The following COL6A1 variants were observed in gnomAD, a reference collection of about 807,000 sequenced individuals.
COL6A1 encodes collagen alpha-1(VI) chain.
Under a neutral mutation model 145.6 loss-of-function variants are expected in COL6A1, and 80 were observed. The observed-to-expected ratio is 0.55, with a 90% CI of 0.46 to 0.66. The LOEUF (loss-of-function observed/expected upper bound fraction) is 0.66, where lower values mean the gene tolerates loss of function less well. Ranked by LOEUF, COL6A1 falls within the 30% of genes least tolerant of loss-of-function variation. The pLI is 0.00. For missense variants in COL6A1, 1,364 were observed against 1,473.8 expected (o/e 0.93, Z 1.22); for synonymous variants, 638 against 622.8 (o/e 1.02, Z -0.36).
Position 45,998,408 on chromosome 21 carries a change from G to A in COL6A1, c.1586G>A (p.Gly529Asp). Residue 529 changes from glycine (G) to aspartate (D), a missense_variant, in exon 24 of 35, where the codon GGC becomes GAC. By Grantham distance (94) the Gly-to-Asp change is moderately conservative (BLOSUM62 -1). Transcript: ENST00000361866. ...EGFPGFPGYP[G>D]NRGAPGINGT... ...GCTTTTCCATGACAGGGGTATCCGG[G>A]CAACAGGGGCGCTCCCGGGATAAAC... 6.2e-7 allele frequency: 1 copy of A among 1,613,292 alleles called. No individual in the cohort carries two copies. Among genetic ancestry groups the A allele is most frequent in the Non-Finnish European group, 8.5e-7 (1 of 1,180,006 alleles).
intron 8 of COL6A1, 47 bp downstream of exon 8, chr21:45,987,701 T>A: frequency 6.3e-7 from 1 of 1,575,260 alleles, no homozygotes; most frequent in South Asian, 1.2e-5. Flanking sequence ...GGCCTGGGAG[T>A]GGGGGTGGCA....
Position 45,982,508 on chromosome 21 carries a change from C to G in COL6A1, c.98-126C>G. ...CGAGGGACGTCCTGCTGCCTTTTCC[C>G]GGGAGAGCCTCTCCGGGCCCGGGGC... On this transcript the variant is annotated intron_variant, in intron 1 of 34. Coordinates refer to ENST00000361866, the MANE Select transcript of COL6A1 (RefSeq NM_001848.3). 5 of 1,401,870 alleles carry G rather than the reference C, an allele frequency of 3.6e-6. No homozygotes were observed. In the South Asian group the frequency reaches 6.0e-5, roughly 17 times the overall value. The allele number at this position is 1,401,870 out of a possible 1,614,324, so 86.8% of individuals were successfully genotyped here.
At chr21:45,992,105 G>A (rs1309965000) in intron 16 of COL6A1, 33 bp downstream of exon 16, 1 of 1,613,542 alleles carries the variant, frequency 6.2e-7, no homozygotes. Context: ...CACATGCCAG[G>A]TATGGGCCCA....
Position 45,987,190 on chromosome 21 carries a change from C to G in COL6A1, c.738+15C>G, listed in dbSNP as rs576435781. The G allele has an allele frequency of 1.9e-6, 3 of 1,592,690 alleles. No individual in the cohort carries two copies. The highest frequency in any genetic ancestry group is 2.2e-5 in the South Asian group (2 of 89,664). On this transcript the variant is annotated intron_variant, in intron 6 of 34. Coordinates refer to ENST00000361866, the MANE Select transcript of COL6A1 (RefSeq NM_001848.3). ...TGGAGCAAGTGGTAAGAGCCCTCCC[C>G]ACCACCCCCAGCCGTGAGTCTGCAC... is the stretch of plus-strand genomic sequence containing the variant.
At chr21:45,984,591 C>T in intron 3 of COL6A1, 122 bp downstream of exon 3, 1 of 904,030 alleles carries the variant, frequency 1.1e-6, no homozygotes, top group Non-Finnish European at 1.8e-6. Context: ...TTGGAGGCTG[C>T]ACGGCCTCCC....
At chr21:45,990,305 G>T in intron 12 of COL6A1, 21 bp downstream of exon 12, 1 of 1,612,740 alleles carries the variant, frequency 6.2e-7, no homozygotes, top group South Asian at 1.1e-5. Context: ...GCTGCTGGGA[G>T]GGGGGAGTTC....
intron 20 of COL6A1, among the ~76,000 whole-genome samples, chr21:45,996,659 G>A (rs1020673643): frequency 2.6e-5 from 4 of 151,852 alleles, no homozygotes; most frequent in Non-Finnish European, 5.9e-5. Flanking sequence ...AGGTGGGCCG[G>A]GCGATGTGTA....
rs1603589564 is a variant in COL6A1 at position 45,984,261 on chromosome 21, C to T, written c.228-8C>T. The T allele has an allele frequency of 6.2e-7, 1 of 1,602,852 alleles. No homozygotes were observed. The highest frequency in any genetic ancestry group is 8.5e-7 in the Non-Finnish European group (1 of 1,175,492). On this transcript the variant is annotated splice_region_variant and splice_polypyrimidine_tract_variant and intron_variant, in intron 2 of 34. Coordinates refer to ENST00000361866, the MANE Select transcript of COL6A1 (RefSeq NM_001848.3). ...CCGCCTCACGCCCGCCGTGCCTGTTCCTGGCAGGTACTACCGCTGTGACCG... is the reference window on the plus strand; with the variant it reads ...CCGCCTCACGCCCGCCGTGCCTGTTTCTGGCAGGTACTACCGCTGTGACCG...
Position 45,991,424 on chromosome 21 carries a change from CGGGAGGGTGGTGAGCGGGGGCGGG to C in COL6A1, c.1119+384_1119+407del, listed in dbSNP as rs1364524018. ...GGTGGCACTGAGGGTGGCGAGTGGG[CGGGAGGGTGGTGAGCGGGGGCGGG>C]AGGAGGGTGGTGAGCGGGTGGGAGG... On this transcript the variant is annotated intron_variant, in intron 15 of 34. Coordinates refer to ENST00000361866, the MANE Select transcript of COL6A1 (RefSeq NM_001848.3). Among the ~76,000 whole-genome samples, 8 of 121,082 alleles carry C rather than the reference CGGGAGGGTGGTGAGCGGGGGCGGG, an allele frequency of 6.6e-5. No individual in the cohort carries two copies. In the East Asian group the frequency reaches 2.2e-3, roughly 33 times the overall value. The allele number at this position is 121,082 out of a possible 152,430, so 79.4% of individuals were successfully genotyped here. A position where few individuals can be genotyped will look rare whatever the true frequency, so the allele number is the denominator to read the frequency against.
At chr21:46,002,112 C>G (rs373961814) in intron 31 of COL6A1, 42 bp downstream of exon 31, 2 of 1,587,316 alleles carry the variant, frequency 1.3e-6, no homozygotes, top group Middle Eastern at 1.9e-4. Context: ...CCCCTCGCCC[C>G]GACCGCTGTT....
chr21:45,997,084 C>A (rs1464909959), intron 20 of COL6A1, among the ~76,000 whole-genome samples: 1 of 150,572 alleles, frequency 6.6e-6, no homozygotes, highest in African/African-American at 2.5e-5. Flanking sequence ...CGGGCACTCA[C>A]CGAAGTCATC....
At chr21:45,982,005 GC>G in intron 1 of COL6A1, 58 bp downstream of exon 1, 1 of 1,390,650 alleles carries the variant, frequency 7.2e-7, no homozygotes, top group Non-Finnish European at 1.0e-6. Flanking sequence ...GCCGGCCAGG[GC>G]CAGATGCGCG....
intron 8 of COL6A1, among the ~76,000 whole-genome samples, 166 bp from the exon 9 acceptor site, chr21:45,988,918 G>A (rs368774471): frequency 1.7e-3 from 264 of 152,276 alleles, no homozygotes; most frequent in African/African-American, 6.2e-3. Context: ...GCTGGCGTGC[G>A]GGTTGGAGCT....
chr21:45,983,661 G>T (rs996999633), intron 2 of COL6A1, among the ~76,000 whole-genome samples: 4 of 152,098 alleles, frequency 2.6e-5, no homozygotes, highest in Admixed American at 6.5e-5. Context: ...CAGTGTTTGG[G>T]GGGGGGTCTG....
At chr21:45,993,907 G>C (rs924215216) in intron 19 of COL6A1, among the ~76,000 whole-genome samples, 1 of 152,222 alleles carries the variant, frequency 6.6e-6, no homozygotes, top group South Asian at 2.1e-4. Context: ...GGAGAAGCAG[G>C]GATGCACGCA....
In COL6A1 at chr21:45,984,390, G is replaced by A. The variant is rs150686304; in HGVS notation, c.349G>A (p.Val117Met). 1,045 of 1,612,754 alleles carry A rather than the reference G, an allele frequency of 6.5e-4. 14 individuals carry two copies. In the South Asian group the frequency reaches 7.3e-3, roughly 11 times the overall value. The part of the protein sequence containing the change: ...PGGRDALKSS[V>M]DAVKYFGKGT... ...CGGCCGCGACGCACTCAAAAGCAGCGTGGACGCGGTCAAGTACTTTGGGAA... is the reference window on the plus strand; with the variant it reads ...CGGCCGCGACGCACTCAAAAGCAGCATGGACGCGGTCAAGTACTTTGGGAA... Residue 117 changes from valine to methionine, a missense_variant, in exon 3 of 35, where the codon GTG becomes ATG. This residue lies in a region of COL6A1 where 414 missense variants were observed against 437.6 expected (regional missense o/e 0.95). Coordinates refer to ENST00000361866, the MANE Select transcript of COL6A1 (RefSeq NM_001848.3).
intron 26 of COL6A1, 85 bp from the exon 27 acceptor site, chr21:45,999,572 G>C: frequency 6.8e-7 from 1 of 1,461,954 alleles, no homozygotes; most frequent in Non-Finnish European, 9.5e-7. Flanking sequence ...TGAGGGGCAG[G>C]GCCCTGGGGG....
At chr21:45,986,312 G>A (rs1161687686) in intron 3 of COL6A1, among the ~76,000 whole-genome samples, 1 of 152,190 alleles carries the variant, frequency 6.6e-6, no homozygotes, top group Non-Finnish European at 1.5e-5. Context: ...CTGGGAGGGC[G>A]TGGATTTTCC....
rs1047504022 is a variant in COL6A1 at position 45,994,063 on chromosome 21, G to A, written c.1336-104G>A. 3.7e-5 allele frequency: 44 copies of A among 1,204,476 alleles called. No homozygotes were observed. Among genetic ancestry groups the A allele is most frequent in the Non-Finnish European group, 4.9e-5 (41 of 831,788 alleles). 74.6% of individuals were successfully genotyped at this position (1,204,476 alleles called of 1,614,324 possible). A position where few individuals can be genotyped will look rare whatever the true frequency, so the allele number is the denominator to read the frequency against. ...TGTGCGGGGAGGGAAGGCCGGAACA[G>A]CCCAGTGACCACCTGGACAGCATGC... On this transcript the variant is annotated intron_variant, in intron 19 of 34. Coordinates refer to ENST00000361866, the MANE Select transcript of COL6A1 (RefSeq NM_001848.3). The surrounding 1 kb of genome is among the most constrained non-coding windows in gnomAD (Gnocchi z 6.8).
Sources: gnomAD v4.1 joint callset for allele counts (sites outside exome capture counted in the v4.1 genomes callset) on GRCh38, gnomAD v4.1.1 for gene constraint, gnomAD v4.1.1 regional missense constraint, Gnocchi (gnomAD v3.1) non-coding constraint, MANE v1.5 for transcripts, NCBI Gene and HGNC (gene_info 2026-07-23, HGNC 2026-07-21) for gene names.